STK32B: variants seen among roughly 807,000 people sequenced by gnomAD.
STK32B encodes the protein serine/threonine-protein kinase 32B.
In STK32B, 43 loss-of-function variants were observed where a neutral mutation model predicts 52.6. The observed-to-expected ratio is 0.82, with a 90% CI of 0.64 to 1.05. STK32B has a LOEUF of 1.05. STK32B is among the 50% of genes least tolerant of loss of function. The probability of loss-of-function intolerance (pLI) is 0.00; values close to 1 mark genes in which losing one functional copy is unlikely to be tolerated. For synonymous variants in STK32B, 238 were observed against 204.3 expected, an observed-to-expected ratio of 1.17 and a Z score of -1.41; for missense variants, 621 against 534.6, an observed-to-expected ratio of 1.16 and a Z score of -1.59.
At chr4:5,087,761 T>C (rs2108780442) in intron 1 of STK32B, among the ~76,000 whole-genome samples, 1 of 151,988 alleles carries the variant, frequency 6.6e-6, no homozygotes, top group African/African-American at 2.4e-5. Flanking sequence ...ATTACAAATA[T>C]TTATGGATCT....
intron 3 of STK32B, among the ~76,000 whole-genome samples, chr4:5,298,968 A>G (rs533114152): frequency 1.3e-5 from 2 of 152,204 alleles, no homozygotes; most frequent in South Asian, 4.2e-4. Context: ...TGGAAAAACT[A>G]TGGGAAAAGC....
chr4:5,331,074 C>A, intron 3 of STK32B, 146 bp from the exon 4 acceptor site: 1 of 651,058 alleles, frequency 1.5e-6, no homozygotes, highest in Non-Finnish European at 2.4e-6. Flanking sequence ...TTTCCCCTTC[C>A]CCTCCACTCC....
At chr4:5,321,707 A>G (rs1731501544) in intron 3 of STK32B, among the ~76,000 whole-genome samples, 2 of 152,072 alleles carry the variant, frequency 1.3e-5, no homozygotes, top group South Asian at 4.2e-4. Context: ...CTGCATTTAT[A>G]CAGATAGATA....
At position 5,227,711 on chromosome 4, in the gene STK32B, C is replaced by G. The variant is rs562555745; in HGVS notation, c.260+59261C>G. Among the ~76,000 whole-genome samples, 16 of 152,280 alleles carry G rather than the reference C, an allele frequency of 1.1e-4. No homozygotes were observed. The South Asian group carries it at 3.1e-3, about 30-fold the overall frequency. On this transcript the variant is annotated intron_variant, in intron 3 of 11. Transcript: ENST00000282908. ...CAATTGCAAAAGTGCTTTCTCCCCC[C>G]CTGGAGAGAAGTACTTTATATGTAC...
At chr4:5,353,319 A>G (rs1173423583) in intron 4 of STK32B, among the ~76,000 whole-genome samples, 4 of 147,466 alleles carry the variant, frequency 2.7e-5, no homozygotes, top group Admixed American at 6.6e-5. Context: ...AACAAGGAAA[A>G]CAATTCAGGA....
rs16837177 is a variant in STK32B at position 5,418,972 on chromosome 4, A to T, written c.562+2038A>T. Among the ~76,000 whole-genome samples, 1,467 of 152,170 alleles carry T rather than the reference A, an allele frequency of 9.6e-3. 27 individuals are homozygous for T. Among genetic ancestry groups the T allele is most frequent in the African/African-American group, 0.033 (1,349 of 41,466 alleles). ...AGCCCTTGGCAAAGCCTAAATTCCA[A>T]TCTATCTTCATGAACACTAGGTTTT... On this transcript the variant is annotated intron_variant, in intron 6 of 11. Transcript: ENST00000282908.
intron 2 of STK32B, among the ~76,000 whole-genome samples, chr4:5,162,741 G>C (rs1447789733): frequency 2.0e-5 from 3 of 152,166 alleles, no homozygotes; most frequent in Admixed American, 6.5e-5. Flanking sequence ...GTGGAAAAAG[G>C]CTCTGAGCAG....
At chr4:5,138,260 C>T (rs950959912) in intron 1 of STK32B, among the ~76,000 whole-genome samples, 1 of 152,250 alleles carries the variant, frequency 6.6e-6, no homozygotes, top group African/African-American at 2.4e-5. Flanking sequence ...CTGACTTTGG[C>T]TTGGCAGGGA....
At chr4:5,240,708 C>T (rs538451275) in intron 3 of STK32B, among the ~76,000 whole-genome samples, 4 of 152,284 alleles carry the variant, frequency 2.6e-5, no homozygotes, top group East Asian at 3.9e-4. Context: ...GATCCAGCCA[C>T]CTCAGCCTCC....
intron 3 of STK32B, among the ~76,000 whole-genome samples, chr4:5,249,659 C>A (rs1292864360): frequency 5.3e-5 from 8 of 152,148 alleles, no homozygotes; most frequent in African/African-American, 1.9e-4. Flanking sequence ...AGCATAATTT[C>A]ACTCTTCCTT....
At chr4:5,049,854 T>G (rs138014188), upstream of STK32B, among the ~76,000 whole-genome samples, 1 of 152,284 alleles carries the variant, frequency 6.6e-6, no homozygotes, top group African/African-American at 2.4e-5. Flanking sequence ...CCCAAAGTGC[T>G]GGGATTACAG....
At chr4:5,325,183 G>A (rs987692027) in intron 3 of STK32B, among the ~76,000 whole-genome samples, 1 of 152,080 alleles carries the variant, frequency 6.6e-6, no homozygotes, top group Non-Finnish European at 1.5e-5. Context: ...AAAAATTCCT[G>A]TTCCACTTAT....
At position 5,466,844 on chromosome 4, in the gene STK32B, T is replaced by G. The variant is rs746750588; in HGVS notation, c.1041+10T>G. The G allele has an allele frequency of 1.2e-6, 2 of 1,611,586 alleles. No individual in the cohort carries two copies. Among genetic ancestry groups the G allele is most frequent in the South Asian group, 1.1e-5 (1 of 90,416 alleles). The stretch of plus-strand genomic sequence containing the variant: ...GGACAGCTGCCCGCTGGTGAGTGCT[T>G]CGTGGGAGCCGTTCCGGGAGAGAAA... On this transcript the variant is annotated intron_variant, in intron 10 of 11. Coordinates refer to ENST00000282908, the MANE Select transcript of STK32B (RefSeq NM_018401.3).
intron 3 of STK32B, among the ~76,000 whole-genome samples, chr4:5,317,245 T>TATATATAACATATATA (rs1560313458): frequency 1.1e-4 from 4 of 35,300 alleles, no homozygotes; most frequent in Non-Finnish European, 1.1e-4. Context: ...ATATATATAT[T>TATATATAACATATATA]ATATATAACA....
intron 3 of STK32B, among the ~76,000 whole-genome samples, chr4:5,327,470 A>G (rs1281415352): frequency 6.6e-6 from 1 of 151,904 alleles, no homozygotes; most frequent in African/African-American, 2.4e-5. Context: ...TAGCTGCAGG[A>G]TGGATGTTGT....
intron 1 of STK32B, among the ~76,000 whole-genome samples, chr4:5,118,833 G>A (rs535846852): frequency 2.0e-5 from 3 of 152,276 alleles, no homozygotes; most frequent in Non-Finnish European, 4.4e-5. Context: ...CTGTTCACCA[G>A]TAACTAGGGT....
At chr4:5,133,302 T>C (rs2108823870) in intron 1 of STK32B, among the ~76,000 whole-genome samples, 1 of 152,320 alleles carries the variant, frequency 6.6e-6, no homozygotes. Flanking sequence ...CCCCAAAATA[T>C]TTTTTGAATG....
intron 3 of STK32B, among the ~76,000 whole-genome samples, chr4:5,187,658 G>A (rs533658660): frequency 2.3e-4 from 35 of 152,238 alleles, no homozygotes; most frequent in Non-Finnish European, 4.7e-4. Flanking sequence ...CAATTTCCAT[G>A]GTGTAAATAG....
intron 1 of STK32B, among the ~76,000 whole-genome samples, chr4:5,086,480 C>G (rs116447830): frequency 1.3e-5 from 2 of 151,882 alleles, no homozygotes; most frequent in African/African-American, 2.4e-5. Flanking sequence ...GAGGTGCCAT[C>G]AAGTGTAGCA....
Sources: gnomAD v4.1 joint callset for allele counts (sites outside exome capture counted in the v4.1 genomes callset) on GRCh38, gnomAD v4.1.1 for gene constraint, MANE v1.5 for transcripts, NCBI Gene and HGNC (gene_info 2026-07-23, HGNC 2026-07-21) for gene names.